The following SPRED2 variants were observed in gnomAD, a reference collection of about 807,000 sequenced individuals.
SPRED2 encodes sprouty related EVH1 domain containing 2.
In SPRED2, 47 loss-of-function variants were observed where a neutral mutation model predicts 43.0. The ratio of observed to expected loss-of-function variants is 1.09; its 90% CI spans 0.87 to 1.40. The LOEUF is 1.40. Among genes scored for constraint, SPRED2 ranks in the 40% most tolerant of loss-of-function variants. SPRED2 has a pLI of 0.00. For missense variants in SPRED2, 561 were observed against 586.4 expected (o/e 0.96, Z 0.45); for synonymous variants, 225 against 225.7 (o/e 1.00, Z 0.03).
intron 1 of SPRED2, among the ~76,000 whole-genome samples, chr2:65,427,457 A>T (rs1676583566): frequency 6.6e-6 from 1 of 152,180 alleles, no homozygotes; most frequent in Non-Finnish European, 1.5e-5. Flanking sequence ...TGGTAGAAAC[A>T]TACCTCCCTT....
In SPRED2 at chr2:65,389,916, A is replaced by G. The variant is rs797004796; in HGVS notation, c.26+42046T>C. On this transcript the variant is annotated intron_variant, in intron 1 of 5. Coordinates refer to ENST00000356388, the MANE Select transcript of SPRED2 (RefSeq NM_181784.3). ...AAGCAAGTTTGTTGAAGAAGTGTTT[A>G]AAACAGGTAAGCAAAAACAATAAAC... is the stretch of plus-strand genomic sequence containing the variant. Among the ~76,000 whole-genome samples the G allele has an allele frequency of 6.6e-5, 10 of 152,372 alleles. 1 individual carries two copies. Among genetic ancestry groups the G allele is most frequent in the African/African-American group, 2.4e-4 (10 of 41,588 alleles).
At chr2:65,370,362 ACT>A (rs1351831803) in intron 1 of SPRED2, among the ~76,000 whole-genome samples, 26 of 152,162 alleles carry the variant, frequency 1.7e-4, no homozygotes, top group African/African-American at 4.3e-4. Flanking sequence ...ATGAATTTAG[ACT>A]CTCTCAGAGG....
At chr2:65,389,337 C>T (rs1216921307) in intron 1 of SPRED2, among the ~76,000 whole-genome samples, 2 of 149,636 alleles carry the variant, frequency 1.3e-5, no homozygotes, top group Non-Finnish European at 3.0e-5. Flanking sequence ...CCTACTTTTA[C>T]AGTGGAGAAA....
At chr2:65,398,711 A>G (rs1675812396) in intron 1 of SPRED2, among the ~76,000 whole-genome samples, 1 of 152,236 alleles carries the variant, frequency 6.6e-6, no homozygotes, top group African/African-American at 2.4e-5. Flanking sequence ...CAAAAGATCC[A>G]AAAATAATAG....
chr2:65,391,525 A>T (rs374035525), intron 1 of SPRED2, among the ~76,000 whole-genome samples: 2 of 152,176 alleles, frequency 1.3e-5, no homozygotes, highest in Non-Finnish European at 2.9e-5. Flanking sequence ...TCTTATTAAC[A>T]TTCCTTAAAA....
chr2:65,328,147 T>A (rs1406615400), intron 4 of SPRED2, among the ~76,000 whole-genome samples: 1 of 152,182 alleles, frequency 6.6e-6, no homozygotes, highest in African/African-American at 2.4e-5. Context: ...CCCTTAATGC[T>A]AAAGATAATG....
chr2:65,381,679 G>T (rs1406778935), intron 1 of SPRED2, among the ~76,000 whole-genome samples: 2 of 152,218 alleles, frequency 1.3e-5, no homozygotes, highest in Non-Finnish European at 2.9e-5. Flanking sequence ...GAGGTGCCTC[G>T]GTGCAGGGCC....
At chr2:65,326,972 C>G (rs189362156) in intron 4 of SPRED2, among the ~76,000 whole-genome samples, 21 of 152,230 alleles carry the variant, frequency 1.4e-4, no homozygotes, top group Admixed American at 1.4e-3. Flanking sequence ...TCCCAAGTAG[C>G]TGGGACCACA....
intron 1 of SPRED2, among the ~76,000 whole-genome samples, chr2:65,404,932 T>C (rs554634154): frequency 1.3e-5 from 2 of 152,326 alleles, no homozygotes; most frequent in East Asian, 3.8e-4. Flanking sequence ...AGGCACCTGC[T>C]CCCTAACAGG....
intron 1 of SPRED2, among the ~76,000 whole-genome samples, chr2:65,429,829 T>G: frequency 6.6e-6 from 1 of 152,224 alleles, no homozygotes. Context: ...TCCTCTCAAC[T>G]GGACTCGTGA....
At chr2:65,422,891 T>C (rs185796757) in intron 1 of SPRED2, among the ~76,000 whole-genome samples, 2 of 152,328 alleles carry the variant, frequency 1.3e-5, no homozygotes, top group Admixed American at 1.3e-4. Context: ...CACATCATTC[T>C]AGCAAGGCAG....
In SPRED2 at chr2:65,312,607, T is replaced by C; in HGVS notation, c.*894A>G. 2 of 985,808 alleles carry C rather than the reference T, an allele frequency of 2.0e-6. No individual in the cohort carries two copies. Among genetic ancestry groups the C allele is most frequent in the South Asian group, 4.7e-5 (1 of 21,286 alleles). The allele number at this position is 985,808 out of a possible 1,614,324, so 61.1% of individuals were successfully genotyped here. On this transcript the variant is annotated 3_prime_UTR_variant, in exon 6 of 6. Transcript: ENST00000356388. The stretch of plus-strand genomic sequence containing the variant: ...TTACTTCACTAGTATCCTATTCTAA[T>C]ATTGCTAAATTTTTAGAAGTGGTGG...
At chr2:65,344,996 G>A (rs1674307837) in intron 1 of SPRED2, 100 bp from the exon 2 acceptor site, 1 of 1,204,690 alleles carries the variant, frequency 8.3e-7, no homozygotes, top group Non-Finnish European at 1.1e-6. Context: ...CACTTTTTTT[G>A]TTTTATCGAA....
intron 1 of SPRED2, chr2:65,373,870 G>C (rs1000487991): frequency 1.3e-5 from 2 of 152,184 alleles, no homozygotes; most frequent in African/African-American, 4.8e-5. Context: ...TACATGAGGG[G>C]AGGAAATGAC....
chr2:65,387,174 T>C (rs945835575), intron 1 of SPRED2, among the ~76,000 whole-genome samples: 1 of 152,178 alleles, frequency 6.6e-6, no homozygotes, highest in Non-Finnish European at 1.5e-5. Context: ...AGGTGCACAG[T>C]GGGTGCTGGC....
chr2:65,332,083 T>G (rs775892407), intron 3 of SPRED2, 32 bp from the exon 4 acceptor site: 3 of 1,462,442 alleles, frequency 2.1e-6, no homozygotes, highest in Non-Finnish European at 9.5e-7. Context: ...AAAAAGTGTT[T>G]CCCAAGAGGA....
intron 1 of SPRED2, among the ~76,000 whole-genome samples, chr2:65,422,027 C>T (rs988818794): frequency 3.3e-5 from 5 of 150,530 alleles, no homozygotes; most frequent in East Asian, 4.0e-4. Context: ...GGACACTTGA[C>T]GGTTGGACAT....
At chr2:65,357,334 C>G (rs944963385) in intron 1 of SPRED2, among the ~76,000 whole-genome samples, 3 of 152,176 alleles carry the variant, frequency 2.0e-5, no homozygotes, top group Admixed American at 6.5e-5. Context: ...GTATAGAGGT[C>G]AGCCCGAAGG....
intron 1 of SPRED2, among the ~76,000 whole-genome samples, chr2:65,423,163 A>G (rs1278783338): frequency 1.4e-4 from 22 of 152,230 alleles, no homozygotes; most frequent in Admixed American, 1.4e-3. Flanking sequence ...TCAAGTAGAC[A>G]AAACATGTCA....
Sources: gnomAD v4.1 joint callset for allele counts (sites outside exome capture counted in the v4.1 genomes callset) on GRCh38, gnomAD v4.1.1 for gene constraint, MANE v1.5 for transcripts, NCBI Gene and HGNC (gene_info 2026-07-23, HGNC 2026-07-21) for gene names.